The following ZNF765 variants were observed in gnomAD, a reference collection of about 807,000 sequenced individuals.
ZNF765 encodes the protein zinc finger protein 765.
ZNF765 carries 37 observed loss-of-function variants against 44.7 expected under a neutral mutation model. That is an observed-to-expected ratio of 0.83 (90% CI 0.64 to 1.09). ZNF765 has a LOEUF of 1.09. Among genes scored for constraint, ZNF765 ranks in the 50% least tolerant of loss-of-function variants. ZNF765 has a pLI of 0.00. For missense variants in ZNF765, 594 were observed against 626.1 expected (o/e 0.95, Z 0.55); for synonymous variants, 201 against 213.7 (o/e 0.94, Z 0.52).
At chr19:53,420,515 T>G (rs1302512322) in intron 3 of ZNF765, among the ~76,000 whole-genome samples, 1 of 152,058 alleles carries the variant, frequency 6.6e-6, no homozygotes, top group Non-Finnish European at 1.5e-5. Flanking sequence ...AATTGATGAG[T>G]ATATGAACTG....
chr19:53,421,286 G>A (rs375072978), intron 3 of ZNF765, among the ~76,000 whole-genome samples: 3 of 152,062 alleles, frequency 2.0e-5, no homozygotes, highest in Admixed American at 6.6e-5. Flanking sequence ...TCCCCCTCTC[G>A]GAGATGGTAG....
At chr19:53,412,765 C>T (rs191550721), downstream of ZNF765, among the ~76,000 whole-genome samples, 2 of 152,054 alleles carry the variant, frequency 1.3e-5, no homozygotes, top group African/African-American at 4.8e-5. Flanking sequence ...GTGATCCACC[C>T]GCCTCGGCCT....
At chr19:53,401,550 G>A (rs968806235) in intron 2 of ZNF765, among the ~76,000 whole-genome samples, 19 of 146,858 alleles carry the variant, frequency 1.3e-4, no homozygotes, top group Admixed American at 6.3e-4. Flanking sequence ...GCGACAGAGC[G>A]AGACTCCGTC....
chr19:53,407,977 G>T lies in ZNF765; in HGVS notation c.422G>T (p.Gly141Val). ...AACAAGCCTGTTAAATATCAGCTTG[G>T]ATTCAGCTTTCATTCGCATCTGCCT... ...AGNKPVKYQL[G>V]FSFHSHLPEL... Residue 141 changes from glycine to valine, a missense_variant, in exon 4 of 4, where the codon GGA becomes GTA. By Grantham distance (109) the Gly-to-Val change is moderately radical (BLOSUM62 -3). Around this residue, in one of 2 missense-constraint regions of ZNF765, gnomAD observed 567 missense variants for 572.6 expected, o/e 0.99. Coordinates refer to ENST00000396408, the MANE Select transcript of ZNF765 (RefSeq NM_001040185.3). The T allele has an allele frequency of 6.2e-7, 1 of 1,614,128 alleles. No homozygotes were observed. Among genetic ancestry groups the T allele is most frequent in the Non-Finnish European group, 8.5e-7 (1 of 1,180,028 alleles).
chr19:53,399,114 T>C (rs2147087715), intron 2 of ZNF765, among the ~76,000 whole-genome samples: 1 of 152,062 alleles, frequency 6.6e-6, no homozygotes, highest in African/African-American at 2.4e-5. Context: ...CTTTAAGTTT[T>C]AGGGTACATG....
chr19:53,413,355 C>T (rs1004358243), downstream of ZNF765: 29 of 575,548 alleles, frequency 5.0e-5, no homozygotes, highest in Non-Finnish European at 6.4e-5. Context: ...AGGAATTGCA[C>T]GTGAGATGGC....
chr19:53,410,024 G>T lies in ZNF765; in HGVS notation c.*897G>T. ...CAAGTGTGATAAATGCAGAATAAAT[G>T]CAGAAAATTTTTCAGACATCCTTCA... On this transcript the variant is annotated 3_prime_UTR_variant, in exon 4 of 4. Transcript: ENST00000396408. 2.0e-6 allele frequency: 1 copy of T among 498,554 alleles called. No individual in the cohort carries two copies. The highest frequency in any genetic ancestry group is 4.0e-6 in the Non-Finnish European group (1 of 248,400). 30.9% of individuals were successfully genotyped at this position (498,554 alleles called of 1,614,324 possible).
chr19:53,417,221 A>G (rs1277343801), intron 3 of ZNF765, among the ~76,000 whole-genome samples: 1 of 152,162 alleles, frequency 6.6e-6, no homozygotes, highest in Non-Finnish European at 1.5e-5. Context: ...AGATCACTTC[A>G]TCACCAGGAT....
exon 4 of ZNF765, chr19:53,426,690 G>T (rs1265431682): frequency 6.8e-6 from 1 of 146,854 alleles, no homozygotes; most frequent in Admixed American, 6.7e-5. Flanking sequence ...AACTGTGCAT[G>T]CGAGGGATCT....
chr19:53,413,597 T>TA (rs2085849456), downstream of ZNF765, among the ~76,000 whole-genome samples: 1 of 137,092 alleles, frequency 7.3e-6, no homozygotes, highest in Admixed American at 7.8e-5. Flanking sequence ...TATTGCTTTT[T>TA]AGGTTTTTTT....
downstream of ZNF765, chr19:53,413,170 A>G: frequency 1.7e-6 from 1 of 571,774 alleles, no homozygotes; most frequent in East Asian, 4.5e-5. Flanking sequence ...TGTGGTGTGT[A>G]CTTGACTCTG....
rs2085818321 is a variant in ZNF765 at position 53,409,950 on chromosome 19, C to G, written c.*823C>G. ...GATTGTCACCAAGTCTTGAGTAATG[C>G]TACAACTATTGCAAATCATTGGAGA... is the stretch of plus-strand genomic sequence containing the variant. On this transcript the variant is annotated 3_prime_UTR_variant, in exon 4 of 4. Transcript: ENST00000396408. 1 of 579,042 alleles carries G rather than the reference C, an allele frequency of 1.7e-6. No individual in the cohort carries two copies. Among genetic ancestry groups the G allele is most frequent in the African/African-American group, 1.9e-5 (1 of 53,484 alleles). The allele number at this position is 579,042 out of a possible 1,614,324, so 35.9% of individuals were successfully genotyped here.
rs1568773290 is a variant in ZNF765, at chr19:53,397,940, C to T, written c.-73-3C>T. On this transcript the variant is annotated splice_polypyrimidine_tract_variant and splice_region_variant and intron_variant, in intron 1 of 3. Transcript: ENST00000396408. ...CAATAAACAACATATTTCTAACATT[C>T]AGGATTGACTTCTAAAGACTCTTGG... 5.6e-6 allele frequency: 9 copies of T among 1,599,734 alleles called. No homozygotes were observed. Among genetic ancestry groups the T allele is most frequent in the Non-Finnish European group, 7.7e-6 (9 of 1,173,682 alleles).
chr19:53,420,357 G>A (rs1005650802), intron 3 of ZNF765, among the ~76,000 whole-genome samples: 1 of 151,970 alleles, frequency 6.6e-6, no homozygotes, highest in Non-Finnish European at 1.5e-5. Flanking sequence ...ATAAATAAAT[G>A]TAATCAAATC....
downstream of ZNF765, among the ~76,000 whole-genome samples, chr19:53,416,771 T>C (rs2085877442): frequency 1.3e-5 from 2 of 151,524 alleles, no homozygotes; most frequent in African/African-American, 4.8e-5. Flanking sequence ...CTATGAAATT[T>C]CTATATTATT....
At chr19:53,426,722 A>T (rs1835362246) in exon 4 of ZNF765, 1 of 25,998 alleles carries the variant, frequency 3.8e-5, no homozygotes, top group Non-Finnish European at 6.6e-5. Flanking sequence ...TCTTTATGAG[A>T]TCAAACTAAT....
In ZNF765 at chr19:53,397,983, T is replaced by C. The variant is rs1568773321; in HGVS notation, c.-33T>C. 2.5e-6 allele frequency: 4 copies of C among 1,611,672 alleles called. No individual in the cohort carries two copies. The highest frequency in any genetic ancestry group is 1.1e-5 in the South Asian group (1 of 91,014). ...ACTCTTGGTATGTGAGGAAGAAACC[T>C]GGAAGAGGAAGAGGAAAGCAAAGGA... On this transcript the variant is annotated 5_prime_UTR_variant, in exon 2 of 4. Transcript: ENST00000396408.
At chr19:53,397,848 G>A in intron 1 of ZNF765, 95 bp from the exon 2 acceptor site, 3 of 1,249,736 alleles carry the variant, frequency 2.4e-6, no homozygotes, top group Non-Finnish European at 3.3e-6. Flanking sequence ...GGGACCGTAT[G>A]TCCTCAGGAT....
chr19:53,419,188 A>T (rs926158182), intron 3 of ZNF765, among the ~76,000 whole-genome samples: 12 of 152,180 alleles, frequency 7.9e-5, no homozygotes, highest in Admixed American at 1.3e-4. Flanking sequence ...GAAGACTGGA[A>T]TTCTAAAATC....
Sources: gnomAD v4.1 joint callset for allele counts (sites outside exome capture counted in the v4.1 genomes callset) on GRCh38, gnomAD v4.1.1 for gene constraint, gnomAD v4.1.1 regional missense constraint, MANE v1.5 for transcripts, NCBI Gene and HGNC (gene_info 2026-07-23, HGNC 2026-07-21) for gene names.